Variants in NUBP2 observed in about 807,000 individuals in gnomAD.
NUBP2 encodes NUBP iron-sulfur cluster assembly factor 2, cytosolic, also known as cytosolic Fe-S cluster assembly factor NUBP2.
In NUBP2, 23 loss-of-function variants were observed where a neutral mutation model predicts 24.9. The observed-to-expected ratio is 0.92, with a 90% CI of 0.66 to 1.31. The LOEUF (loss-of-function observed/expected upper bound fraction) is 1.31, where lower values mean the gene tolerates loss of function less well. Ranked by LOEUF, NUBP2 falls within the 50% of genes most tolerant of loss-of-function variation. NUBP2 has a pLI of 0.00. For synonymous variants in NUBP2, 186 were observed against 170.9 expected (o/e 1.09, Z -0.69); for missense variants, 403 against 386.5 (o/e 1.04, Z -0.36).
chr16:1,783,458 A>C, intron 1 of NUBP2: 1 of 998,676 alleles, frequency 1.0e-6, no homozygotes, highest in Non-Finnish European at 1.2e-6. Context: ...AGAATCTCAC[A>C]TGCTTTTAAG....
At chr16:1,785,220 C>G in intron 1 of NUBP2, 1 of 1,010,954 alleles carries the variant, frequency 9.9e-7, no homozygotes, top group Non-Finnish European at 1.2e-6. Flanking sequence ...CCCCACTGCC[C>G]CACCCGGCAG....
At chr16:1,786,734 C>T in intron 2 of NUBP2, 23 bp from the exon 3 acceptor site, 1 of 1,611,394 alleles carries the variant, frequency 6.2e-7, no homozygotes. Context: ...TGCCCCCGGC[C>T]TAGGCTGTGC....
At position 1,788,494 on chromosome 16, in the gene NUBP2, G is replaced by A. The variant is rs957408020; in HGVS notation, c.671-75G>A. The A allele has an allele frequency of 6.5e-5, 96 of 1,485,534 alleles. No individual in the cohort carries two copies. Among genetic ancestry groups the A allele is most frequent in the Admixed American group, 2.8e-4 (13 of 45,756 alleles). The allele number at this position is 1,485,534 out of a possible 1,614,324, so 92.0% of individuals were successfully genotyped here. On this transcript the variant is annotated intron_variant, in intron 6 of 6. Transcript: ENST00000262302. ...TCCCCTCTAAGGCCACGGGTGGTTC[G>A]GGTGCGTCCAGCTGAGCCAATGGTG...
chr16:1,788,318 G>A (rs776526270), intron 6 of NUBP2, 111 bp downstream of exon 6: 6 of 1,180,376 alleles, frequency 5.1e-6, no homozygotes, highest in Non-Finnish European at 5.7e-6. Context: ...GACGGGAGCG[G>A]TTTCCTCCTC....
At position 1,788,862 on chromosome 16, in the gene NUBP2, C is replaced by A; in HGVS notation, c.*148C>A. The A allele has an allele frequency of 9.7e-7, 1 of 1,034,214 alleles. No individual in the cohort carries two copies. The highest frequency in any genetic ancestry group is 1.3e-6 in the Non-Finnish European group (1 of 741,530). 64.1% of individuals were successfully genotyped at this position (1,034,214 alleles called of 1,614,324 possible). ...GAGAGCTTCTCCCCGACCAGCCCAG[C>A]CCCAGGATGTGTCGCACCAGCAGCT... On this transcript the variant is annotated 3_prime_UTR_variant, in exon 7 of 7. Coordinates refer to ENST00000262302, the MANE Select transcript of NUBP2 (RefSeq NM_012225.4).
intron 3 of NUBP2, chr16:1,787,378 TGG>T: frequency 4.1e-6 from 2 of 493,458 alleles, no homozygotes; most frequent in Non-Finnish European, 7.3e-6. Context: ...CTCCCATGTG[TGG>T]GTACAGACGC....
Position 1,788,180 on chromosome 16 carries a change from G to T in NUBP2, c.643G>T (p.Ala215Ser). ...VFSRGGGEEL[A>S]QLAGVPFLGS... ...CTCCAGGGGCGGCGGAGAGGAGCTG[G>T]CCCAGCTCGCCGGGGTGCCCTTCTT... The change falls in exon 6 of 7, where the codon GCC becomes TCC. Residue 215 changes from alanine (A) to serine (S), a missense_variant. Coordinates refer to ENST00000262302, the MANE Select transcript of NUBP2 (RefSeq NM_012225.4). 1 of 1,515,778 alleles carries T rather than the reference G, an allele frequency of 6.6e-7. No homozygotes were observed. 93.9% of individuals were successfully genotyped at this position (1,515,778 alleles called of 1,614,324 possible).
chr16:1,783,225 T>C (rs969396289), intron 1 of NUBP2, 189 bp downstream of exon 1: 3 of 1,165,350 alleles, frequency 2.6e-6, no homozygotes, highest in Admixed American at 9.3e-5. Context: ...GTGCTCCTGC[T>C]TCGATGTGGA....
At chr16:1,783,947 C>T (rs1896844376) in intron 1 of NUBP2, 1 of 781,002 alleles carries the variant, frequency 1.3e-6, no homozygotes, top group African/African-American at 1.9e-5. Flanking sequence ...CCCGTCTCAG[C>T]CTCCCAAAGT....
At position 1,788,749 on chromosome 16, in the gene NUBP2, C is replaced by T. The variant is rs1464217234; in HGVS notation, c.*35C>T. On this transcript the variant is annotated 3_prime_UTR_variant, in exon 7 of 7. Coordinates refer to ENST00000262302, the MANE Select transcript of NUBP2 (RefSeq NM_012225.4). The stretch of plus-strand genomic sequence containing the variant: ...CCTTGCAGCCGCTTTCCAGGGCCAC[C>T]AAGGGCTCTGCTCCAGCCTCTCAGA... 2.5e-6 allele frequency: 4 copies of T among 1,592,476 alleles called. No individual in the cohort carries two copies. Among genetic ancestry groups the T allele is most frequent in the Middle Eastern group, 1.7e-4 (1 of 5,968 alleles).
rs761591549 is a variant in NUBP2, at chr16:1,786,965, G to A, written c.334+10G>A. On this transcript the variant is annotated intron_variant, in intron 3 of 6. Coordinates refer to ENST00000262302, the MANE Select transcript of NUBP2 (RefSeq NM_012225.4). ...GGCCCCAAGAAAAACGGTAACGGCC[G>A]GGCGGCGCGTCCGCCGTCCTGGTGA... 2.1e-5 allele frequency: 31 copies of A among 1,510,428 alleles called. No individual in the cohort carries two copies. Among genetic ancestry groups the A allele is most frequent in the Admixed American group, 1.6e-4 (7 of 45,022 alleles). The allele number at this position is 1,510,428 out of a possible 1,614,324, so 93.6% of individuals were successfully genotyped here.
intron 3 of NUBP2, 184 bp from the exon 4 acceptor site, chr16:1,787,493 C>A: frequency 1.3e-6 from 1 of 775,532 alleles, no homozygotes. Context: ...TGTAATGGCC[C>A]CGGCCCCATC....
At chr16:1,783,601 C>A (rs1320174113) in intron 1 of NUBP2, 1 of 616,070 alleles carries the variant, frequency 1.6e-6, no homozygotes, top group Non-Finnish European at 2.0e-6. Flanking sequence ...CCGCATTTAT[C>A]TTCTAAGAGA....
chr16:1,785,203 C>T, intron 1 of NUBP2: 1 of 1,006,814 alleles, frequency 9.9e-7, no homozygotes, highest in South Asian at 4.1e-5. Context: ...CCTTCCTGCA[C>T]TTCCAGCCCC....
chr16:1,788,448 A>C (rs1897095169), intron 6 of NUBP2, 121 bp from the exon 7 acceptor site: 6 of 1,378,158 alleles, frequency 4.4e-6, no homozygotes, highest in Non-Finnish European at 5.7e-6. Flanking sequence ...TGGAGGTGGA[A>C]ATCGTCTGGC....
At chr16:1,786,011 C>T (rs1896948314) in intron 1 of NUBP2, 4 of 1,184,968 alleles carry the variant, frequency 3.4e-6, no homozygotes, top group East Asian at 5.9e-5. Flanking sequence ...GTGCTGGAAG[C>T]AGCCGGCTCC....
intron 1 of NUBP2, chr16:1,786,097 C>T (rs1343914433): frequency 9.3e-6 from 7 of 756,616 alleles, no homozygotes; most frequent in Middle Eastern, 5.7e-4. Context: ...TTGCCACCCA[C>T]CCTGGGCCCT....
rs1484638514 is a variant in NUBP2 at position 1,783,400 on chromosome 16, T to C, written c.16+364T>C. 4 of 1,049,564 alleles carry C rather than the reference T, an allele frequency of 3.8e-6. No homozygotes were observed. In the African/African-American group the frequency reaches 6.8e-5, roughly 18 times the overall value. The allele number at this position is 1,049,564 out of a possible 1,614,324, so 65.0% of individuals were successfully genotyped here. A position where few individuals can be genotyped will look rare whatever the true frequency, so the allele number is the denominator to read the frequency against. ...CAGCCCGGGCAAGAGCGAGACCCTG[T>C]CTCTAAATAAATCACACGCGCGCAG... On this transcript the variant is annotated intron_variant, in intron 1 of 6. Transcript: ENST00000262302.
chr16:1,782,980 G>T lies in NUBP2; in HGVS notation c.-41G>T. The T allele has an allele frequency of 7.1e-7, 1 of 1,405,176 alleles. No homozygotes were observed. The highest frequency in any genetic ancestry group is 9.3e-7 in the Non-Finnish European group (1 of 1,078,362). The allele number at this position is 1,405,176 out of a possible 1,614,324, so 87.0% of individuals were successfully genotyped here. ...TAGCTGGGAGGCTGACGGCCCGCGG[G>T]CGTAAGCGGACTGCAGCCGCGAGCT... On this transcript the variant is annotated 5_prime_UTR_variant, in exon 1 of 7. Coordinates refer to ENST00000262302, the MANE Select transcript of NUBP2 (RefSeq NM_012225.4).
Sources: allele counts gnomAD v4.1 joint callset, GRCh38; gene constraint gnomAD v4.1.1; transcripts MANE v1.5; gene names NCBI Gene and HGNC (gene_info 2026-07-23, HGNC 2026-07-21).